GATAD2A: variants seen among roughly 807,000 people sequenced by gnomAD.
The protein encoded by GATAD2A is transcriptional repressor p66-alpha.
GATAD2A carries 12 observed loss-of-function variants against 68.5 expected under a neutral mutation model. The ratio of observed to expected loss-of-function variants is 0.18; its 90% confidence interval spans 0.11 to 0.28. The LOEUF (loss-of-function observed/expected upper bound fraction) is 0.28. Among genes scored for constraint, GATAD2A ranks in the 10% least tolerant of loss-of-function variants. The pLI is 1.00. For missense variants in GATAD2A, 755 were observed against 868.5 expected (o/e 0.87, Z 1.64); for synonymous variants, 410 against 375.3 (o/e 1.09, Z -1.07).
chr19:19,397,779 C>CT (rs1378007662), intron 1 of GATAD2A, among the ~76,000 whole-genome samples: 1 of 152,200 alleles, frequency 6.6e-6, no homozygotes, highest in Non-Finnish European at 1.5e-5. Flanking sequence ...GTTGCCCAGG[C>CT]TGGAGTACAC....
chr19:19,453,531 C>A (rs2056605103), intron 1 of GATAD2A, among the ~76,000 whole-genome samples: 1 of 152,046 alleles, frequency 6.6e-6, no homozygotes, highest in Admixed American at 6.6e-5. Flanking sequence ...GGTCTTGCTC[C>A]GTTGCCCAGG....
intron 5 of GATAD2A, among the ~76,000 whole-genome samples, chr19:19,494,592 C>G (rs1013765129): frequency 5.9e-5 from 9 of 152,254 alleles, no homozygotes; most frequent in African/African-American, 9.6e-5. Context: ...AAGTAGGCCA[C>G]TGTTAATGTC....
At chr19:19,429,542 C>T (rs752756277) in intron 1 of GATAD2A, among the ~76,000 whole-genome samples, 38 of 151,874 alleles carry the variant, frequency 2.5e-4, no homozygotes, top group Non-Finnish European at 5.3e-4. Flanking sequence ...TAAGGAGGGC[C>T]GTCTGGTTTA....
At chr19:19,467,432 A>G (rs541059474) in intron 2 of GATAD2A, among the ~76,000 whole-genome samples, 86 of 152,298 alleles carry the variant, frequency 5.6e-4, no homozygotes, top group Non-Finnish European at 9.9e-4. Flanking sequence ...GCTTGCTGCC[A>G]CTGTCTTCCA....
rs1600169588 is a variant in GATAD2A at position 19,454,364 on chromosome 19, G to A, written c.-6-10976G>A. On this transcript the variant is annotated intron_variant, in intron 1 of 11. Transcript: ENST00000683918. ...TGTAATCCCAGCACTTTGGGAGGCC[G>A]AGGTGGGTGGATCACCTGAGCTCAG... Among the ~76,000 whole-genome samples, 8 of 151,190 alleles carry A rather than the reference G, an allele frequency of 5.3e-5. 1 individual carries two copies. The highest frequency in any genetic ancestry group is 6.6e-5 in the Admixed American group (1 of 15,252).
intron 2 of GATAD2A, among the ~76,000 whole-genome samples, chr19:19,476,056 G>T (rs577386376): frequency 1.3e-5 from 2 of 152,128 alleles, no homozygotes; most frequent in African/African-American, 4.8e-5. Flanking sequence ...GCCTTTAGAC[G>T]CCCTCCTCTG....
chr19:19,468,008 C>A (rs370941586), intron 2 of GATAD2A, among the ~76,000 whole-genome samples: 1 of 152,188 alleles, frequency 6.6e-6, no homozygotes, highest in Non-Finnish European at 1.5e-5. Context: ...AGGGCAACTT[C>A]TGGTTGTGTT....
chr19:19,430,972 TAG>T (rs1491283994), intron 1 of GATAD2A, among the ~76,000 whole-genome samples: 1 of 112,660 alleles, frequency 8.9e-6, no homozygotes, highest in African/African-American at 3.6e-5. Context: ...GGTTGTATGG[TAG>T]GGGTGTGTGT....
At chr19:19,502,245 C>G (rs1483201558) in intron 10 of GATAD2A, 86 bp from the exon 11 acceptor site, 3 of 1,147,622 alleles carry the variant, frequency 2.6e-6, no homozygotes, top group East Asian at 4.8e-5. Flanking sequence ...AAGAGGTCAG[C>G]CAGAGCAAGG....
At chr19:19,450,867 T>A (rs2056309673) in intron 1 of GATAD2A, among the ~76,000 whole-genome samples, 1 of 151,782 alleles carries the variant, frequency 6.6e-6, no homozygotes, top group Non-Finnish European at 1.5e-5. Context: ...GCCTCCCGGT[T>A]TCAAGCAATT....
At chr19:19,441,205 GCTAAAAACAA>G (rs2055036449) in intron 1 of GATAD2A, among the ~76,000 whole-genome samples, 1 of 152,058 alleles carries the variant, frequency 6.6e-6, no homozygotes, top group Non-Finnish European at 1.5e-5. Flanking sequence ...ACCATGCCCG[GCTAAAAACAA>G]CTTTCTTAAA....
intron 1 of GATAD2A, among the ~76,000 whole-genome samples, chr19:19,455,466 G>T (rs1330168408): frequency 6.6e-6 from 1 of 152,052 alleles, no homozygotes; most frequent in African/African-American, 2.4e-5. Flanking sequence ...CTCCACTCCA[G>T]CCTGGGTGAC....
chr19:19,501,423 C>G lies in GATAD2A; in HGVS notation c.1503+7C>G. 1 of 1,576,762 alleles carries G rather than the reference C, an allele frequency of 6.3e-7. No individual in the cohort carries two copies. The highest frequency in any genetic ancestry group is 2.4e-5 in the East Asian group (1 of 42,316). ...ACACCCCGTGCTGAAGCAGGTGAGCCTGGCCTGCTGCCGGCAGTGCCGTCC... is the reference window on the plus strand; with the variant it reads ...ACACCCCGTGCTGAAGCAGGTGAGCGTGGCCTGCTGCCGGCAGTGCCGTCC... On this transcript the variant is annotated splice_region_variant and intron_variant, in intron 9 of 11. Transcript: ENST00000683918.
At position 19,501,131 on chromosome 19, in the gene GATAD2A, G is replaced by T. The variant is rs201382142; in HGVS notation, c.1218G>T (p.Ser406=). The T allele has an allele frequency of 1.2e-6, 2 of 1,608,000 alleles. No homozygotes were observed. The highest frequency in any genetic ancestry group is 2.7e-5 in the African/African-American group (2 of 74,922). The part of the protein sequence containing the change: ...NLLETQAGRM[S]AATVLSREPY... ...GTCTGCTTGCAGCAGGCAGGATGTC[G>T]GCCGCCACTGTGCTGTCCCGGGAGC... The change falls in exon 9 of 12, where the codon TCG becomes TCT. Residue 406 remains serine (S), a synonymous_variant. Transcript: ENST00000683918.
chr19:19,467,045 G>C (rs1176018702), intron 2 of GATAD2A, among the ~76,000 whole-genome samples: 2 of 152,198 alleles, frequency 1.3e-5, no homozygotes, highest in Non-Finnish European at 2.9e-5. Flanking sequence ...TGCAGGGTAG[G>C]TCAGTGGATT....
chr19:19,406,358 G>A (rs568700562), intron 1 of GATAD2A, among the ~76,000 whole-genome samples: 117 of 151,224 alleles, frequency 7.7e-4, no homozygotes, highest in African/African-American at 2.6e-3. Context: ...CGGGACGGGT[G>A]GAGGCGGCGG....
intron 1 of GATAD2A, among the ~76,000 whole-genome samples, chr19:19,462,630 G>A (rs1021278026): frequency 9.2e-5 from 14 of 152,352 alleles, no homozygotes; most frequent in Admixed American, 9.1e-4. Flanking sequence ...ACCCTGACCT[G>A]CTACCACAAC....
intron 1 of GATAD2A, among the ~76,000 whole-genome samples, chr19:19,424,578 G>T (rs2052836873): frequency 1.3e-5 from 2 of 151,526 alleles, no homozygotes; most frequent in South Asian, 4.2e-4. Context: ...TCTCTCTGTT[G>T]CTCAGGCTGG....
chr19:19,394,173 C>T (rs925359089), intron 1 of GATAD2A, among the ~76,000 whole-genome samples: 1 of 152,010 alleles, frequency 6.6e-6, no homozygotes, highest in African/African-American at 2.4e-5. Context: ...CAGGTGTGAG[C>T]CACCATGCCT....
Sources: gnomAD v4.1 joint callset for allele counts (sites outside exome capture counted in the v4.1 genomes callset) on GRCh38, gnomAD v4.1.1 for gene constraint, MANE v1.5 for transcripts, NCBI Gene and HGNC (gene_info 2026-07-23, HGNC 2026-07-21) for gene names.